GTF2IRD2: variants seen among roughly 807,000 people sequenced by gnomAD.
GTF2IRD2 encodes the protein general transcription factor II-I repeat domain-containing protein 2A.
In GTF2IRD2, 8 loss-of-function variants were observed where a neutral mutation model predicts 49.2. The observed-to-expected ratio is 0.16, with a 90% CI of 0.10 to 0.29. GTF2IRD2 has a LOEUF of 0.29. Ranked by LOEUF, GTF2IRD2 falls within the 10% of genes least tolerant of loss-of-function variation. The pLI, the probability that GTF2IRD2 is intolerant of heterozygous loss-of-function variation, is 1.00. For synonymous variants in GTF2IRD2, 47 were observed against 289.7 expected (o/e 0.16, Z 8.51); for missense variants, 130 against 725.7 (o/e 0.18, Z 9.43).
chr7:74,822,267 TCGC>T (rs1312382254), intron 6 of GTF2IRD2, 157 bp downstream of exon 6: 17 of 1,091,036 alleles, frequency 1.6e-5, no homozygotes, highest in Non-Finnish European at 2.1e-5. Flanking sequence ...GCCAGGATGG[TCGC>T]GATCTCCTGA....
intron 15 of GTF2IRD2, among the ~76,000 whole-genome samples, chr7:74,800,263 A>T (rs1267654438): frequency 3.6e-5 from 5 of 137,354 alleles, no homozygotes; most frequent in African/African-American, 5.5e-5. Context: ...ACCAAACTGG[A>T]GTGCAGTGGC....
At position 74,822,725 on chromosome 7, in the gene GTF2IRD2, C is replaced by T. The variant is rs782390855; in HGVS notation, c.441G>A (p.Gly147=). 90 of 1,245,602 alleles carry T rather than the reference C, an allele frequency of 7.2e-5. 4 individuals carry two copies. The Middle Eastern group carries it at 2.9e-3, about 40-fold the overall frequency. 77.2% of individuals were successfully genotyped at this position (1,245,602 alleles called of 1,614,324 possible). The change falls in exon 5 of 16, where the codon GGG becomes GGA. Residue 147 remains glycine, a synonymous_variant. Coordinates refer to ENST00000451013, the MANE Select transcript of GTF2IRD2 (RefSeq NM_173537.5). ...GTTGAAAGGCAACGCCTTCCGGAAG[C>T]CCCTGCACTACCACAGCCGACTGGT... The part of the protein sequence containing the change: ...LRDQSAVVVQ[G]LPEGVAFQHP...
chr7:74,824,027 ACG>A (rs1799153594), intron 4 of GTF2IRD2, among the ~76,000 whole-genome samples: 19 of 81,124 alleles, frequency 2.3e-4, no homozygotes, highest in African/African-American at 7.0e-4. Flanking sequence ...TTAGCCGGGC[ACG>A]GTGGCGGGTG....
At chr7:74,825,869 C>G (rs1373355729) in intron 3 of GTF2IRD2, among the ~76,000 whole-genome samples, 1 of 150,142 alleles carries the variant, frequency 6.7e-6, no homozygotes, top group Non-Finnish European at 1.5e-5. Context: ...GGCATGTTCT[C>G]CACTCACTGC....
At chr7:74,825,812 T>TC (rs1398870950) in intron 3 of GTF2IRD2, among the ~76,000 whole-genome samples, 5 of 150,824 alleles carry the variant, frequency 3.3e-5, no homozygotes, top group Non-Finnish European at 5.9e-5. Context: ...CTTTTTTTTT[T>TC]TTTTTTGAGA....
intron 15 of GTF2IRD2, chr7:74,798,907 G>A (rs587719266): frequency 3.8e-5 from 6 of 157,698 alleles, no homozygotes; most frequent in African/African-American, 9.7e-5. Context: ...GAACTCCCTG[G>A]GCTCAGGTGA....
intron 10 of GTF2IRD2, among the ~76,000 whole-genome samples, chr7:74,810,661 C>A (rs1798070814): frequency 1.4e-5 from 1 of 69,730 alleles, no homozygotes; most frequent in Non-Finnish European, 3.7e-5. Flanking sequence ...ATTAGCCGGG[C>A]GTGGTGGTAC....
intron 12 of GTF2IRD2, among the ~76,000 whole-genome samples, chr7:74,806,526 G>A (rs1797772853): frequency 1.3e-5 from 2 of 152,264 alleles, no homozygotes; most frequent in African/African-American, 2.4e-5. Flanking sequence ...TATCCAGGAT[G>A]GTCTCGATCT....
At chr7:74,806,521 AG>A (rs1379435613) in intron 12 of GTF2IRD2, among the ~76,000 whole-genome samples, 3 of 152,262 alleles carry the variant, frequency 2.0e-5, no homozygotes, top group Non-Finnish European at 4.4e-5. Context: ...CGTGTTATCC[AG>A]GATGGTCTCG....
At chr7:74,815,797 G>GGAAAGAAAGAAAGAAAGAAA (rs1189790776) in intron 8 of GTF2IRD2, among the ~76,000 whole-genome samples, 1 of 45,878 alleles carries the variant, frequency 2.2e-5, no homozygotes, top group Non-Finnish European at 4.3e-5. Context: ...AAAGAAAGAA[G>GGAAAGAAAGAAAGAAAGAAA]GAAAGAAAGA....
intron 3 of GTF2IRD2, among the ~76,000 whole-genome samples, chr7:74,825,992 G>A (rs1306478320): frequency 6.7e-6 from 1 of 149,850 alleles, no homozygotes; most frequent in African/African-American, 2.5e-5. Flanking sequence ...TAGTAGAGAT[G>A]GCCAGAATGG....
chr7:74,812,518 A>C (rs1554417800), intron 9 of GTF2IRD2, among the ~76,000 whole-genome samples: 1 of 80,060 alleles, frequency 1.2e-5, no homozygotes, highest in African/African-American at 2.9e-5. Flanking sequence ...TTGGGCAACA[A>C]GGTGAGACCT....
At chr7:74,841,798 G>A (rs1554421894) in intron 1 of GTF2IRD2, among the ~76,000 whole-genome samples, 1 of 142,756 alleles carries the variant, frequency 7.0e-6, no homozygotes, top group Non-Finnish European at 1.5e-5. Context: ...TAGCTAAAGG[G>A]TAAAAGGTTT....
At chr7:74,809,722 G>C (rs1225091677) in intron 10 of GTF2IRD2, among the ~76,000 whole-genome samples, 2 of 114,312 alleles carry the variant, frequency 1.7e-5, no homozygotes, top group Admixed American at 9.8e-5. Flanking sequence ...CTAAAAGTAA[G>C]ATCACATTGC....
chr7:74,829,633 C>T (rs868942964), intron 3 of GTF2IRD2, among the ~76,000 whole-genome samples: 2 of 140,328 alleles, frequency 1.4e-5, no homozygotes, highest in Non-Finnish European at 3.2e-5. Flanking sequence ...GTAATCCCAG[C>T]ACTTTTGGGA....
At chr7:74,818,458 C>CT (rs782068970) in intron 8 of GTF2IRD2, among the ~76,000 whole-genome samples, 2,183 of 129,502 alleles carry the variant, frequency 0.017, 59 homozygotes, top group Middle Eastern at 0.031. Flanking sequence ...CTCTCTCTCT[C>CT]TTTTTTTTTT....
At chr7:74,841,028 C>T (rs1223081552) in intron 1 of GTF2IRD2, among the ~76,000 whole-genome samples, 72,792 of 92,770 alleles carry the variant, frequency 0.78, 30,301 homozygotes, top group East Asian at 0.98. Context: ...TTCTATTTTT[C>T]AGTAGAGACG....
intron 2 of GTF2IRD2, among the ~76,000 whole-genome samples, chr7:74,834,648 C>T (rs1483656158): frequency 1.9e-5 from 2 of 103,088 alleles, no homozygotes; most frequent in Admixed American, 9.5e-5. Context: ...GGTGGGATTA[C>T]GGGCGTGAGC....
chr7:74,825,964 C>A (rs1799350737), intron 3 of GTF2IRD2, among the ~76,000 whole-genome samples: 1 of 151,810 alleles, frequency 6.6e-6, no homozygotes, highest in South Asian at 2.1e-4. Flanking sequence ...CCACGCCCGG[C>A]TAATTTTTTG....
Sources: gnomAD v4.1 joint callset for allele counts (sites outside exome capture counted in the v4.1 genomes callset) on GRCh38, gnomAD v4.1.1 for gene constraint, MANE v1.5 for transcripts, NCBI Gene and HGNC (gene_info 2026-07-23, HGNC 2026-07-21) for gene names.